IZUMO3: variants seen among roughly 807,000 people sequenced by gnomAD.
The protein encoded by IZUMO3 is izumo sperm-egg fusion protein 3.
IZUMO3 carries 36 observed loss-of-function variants against 28.4 expected under a neutral mutation model. The ratio of observed to expected loss-of-function variants is 1.27; its 90% CI spans 0.97 to 1.67. IZUMO3 has a LOEUF of 1.67. Among genes scored for constraint, IZUMO3 ranks in the 40% most tolerant of loss-of-function variants. The pLI is 0.00. For missense variants in IZUMO3, 387 were observed against 278.5 expected, an observed-to-expected ratio of 1.39 and a Z score of -2.77; for synonymous variants, 126 against 99.2, an observed-to-expected ratio of 1.27 and a Z score of -1.61.
chr9:24,545,862 G>C lies in IZUMO3; in HGVS notation c.-213C>G, dbSNP rs1387259633. 8 of 1,522,140 alleles carry C rather than the reference G, an allele frequency of 5.3e-6. No individual in the cohort carries two copies. In the Admixed American group the frequency reaches 1.2e-4, roughly 23 times the overall value. 94.3% of individuals were successfully genotyped at this position (1,522,140 alleles called of 1,614,324 possible). ...GACTATTATCCTTCATTCTAGGAGA[G>C]GGAACTGCCAGCTGGGGAGCGGATA... On this transcript the variant is annotated 5_prime_UTR_variant, in exon 1 of 7. Transcript: ENST00000543880.
chr9:24,545,274 A>G lies in IZUMO3; in HGVS notation c.239T>C (p.Val80Ala). The G allele has an allele frequency of 2.6e-6, 4 of 1,550,302 alleles. No homozygotes were observed. Among genetic ancestry groups the G allele is most frequent in the Non-Finnish European group, 3.5e-6 (4 of 1,146,790 alleles). Reference sequence around the variant, plus strand: ...CTTCAACCATGTTCTCAACTTAACAACCTGCTGAACAGCTAGAGAGGGAGA... The same window carrying G: ...CTTCAACCATGTTCTCAACTTAACAGCCTGCTGAACAGCTAGAGAGGGAGA... ...KRLRVLAVQQ[V>A]VKLRTWLKNE... Residue 80 changes from valine to alanine, a missense_variant, in exon 2 of 7, where the codon GTT becomes GCT. Coordinates refer to ENST00000543880, the MANE Select transcript of IZUMO3 (RefSeq NM_001365008.2).
In IZUMO3 at chr9:24,545,786, A is replaced by G; in HGVS notation, c.-137T>C. 1.3e-6 allele frequency: 2 copies of G among 1,538,198 alleles called. No homozygotes were observed. The highest frequency in any genetic ancestry group is 1.8e-6 in the Non-Finnish European group (2 of 1,141,920). On this transcript the variant is annotated 5_prime_UTR_variant, in exon 1 of 7. Coordinates refer to ENST00000543880, the MANE Select transcript of IZUMO3 (RefSeq NM_001365008.2). ...CCACTTTTCCCGCTGTTTCCATCCC[A>G]CTATCGGGCAATCTTTAGTTGTTTA...
intron 1 of IZUMO3, 21 bp downstream of exon 1, chr9:24,545,403 A>C (rs1013139745): frequency 6.5e-7 from 1 of 1,543,658 alleles, no homozygotes; most frequent in Admixed American, 2.0e-5. Flanking sequence ...CTGGACTCTC[A>C]GGAACTCAAG....
intron 5 of IZUMO3, 48 bp downstream of exon 5, chr9:24,544,153 C>G (rs1237857971): frequency 1.6e-6 from 2 of 1,282,724 alleles, no homozygotes; most frequent in Admixed American, 3.9e-5. Context: ...AGCAACCCTG[C>G]TCCTTAATCC....
In IZUMO3 at chr9:24,545,796, AATCTTTAGTTGTTTAGTTTAATG is replaced by A; in HGVS notation, c.-170_-148del. The A allele has an allele frequency of 2.6e-6, 4 of 1,541,160 alleles. No homozygotes were observed. Among genetic ancestry groups the A allele is most frequent in the Non-Finnish European group, 3.5e-6 (4 of 1,143,160 alleles). ...CGCTGTTTCCATCCCACTATCGGGC[AATCTTTAGTTGTTTAGTTTAATG>A]ATCTTTAGTTGTTTACTGACTATTA... On this transcript the variant is annotated 5_prime_UTR_variant, in exon 1 of 7. Coordinates refer to ENST00000543880, the MANE Select transcript of IZUMO3 (RefSeq NM_001365008.2).
Position 24,545,811 on chromosome 9 carries a change from A to G in IZUMO3, c.-162T>C, listed in dbSNP as rs2117962117. On this transcript the variant is annotated 5_prime_UTR_variant, in exon 1 of 7. Coordinates refer to ENST00000543880, the MANE Select transcript of IZUMO3 (RefSeq NM_001365008.2). ...ACTATCGGGCAATCTTTAGTTGTTT[A>G]GTTTAATGATCTTTAGTTGTTTACT... is the stretch of plus-strand genomic sequence containing the variant. 6.5e-7 allele frequency: 1 copy of G among 1,543,850 alleles called. No homozygotes were observed. The highest frequency in any genetic ancestry group is 2.0e-5 in the Admixed American group (1 of 50,440).
Position 24,545,024 on chromosome 9 carries a change from G to T in IZUMO3, c.339C>A (p.Cys113Ter), listed in dbSNP as rs1488544313. 2 of 1,550,684 alleles carry T rather than the reference G, an allele frequency of 1.3e-6. No homozygotes were observed. Among genetic ancestry groups the T allele is most frequent in the East Asian group, 4.9e-5 (2 of 40,888 alleles). The change falls in exon 3 of 7, where the codon TGC becomes TGA. Residue 113 changes from cysteine (C) to a stop codon, truncating the protein, a stop_gained. Transcript: ENST00000543880. LOFTEE classifies it high-confidence loss of function. Reference sequence around the variant, plus strand: ...CTTTCAGTTTGGATTCCAGGTTTTGGCAGACATCGAGAAGCTTGCCTTGAT... The same window carrying T: ...CTTTCAGTTTGGATTCCAGGTTTTGTCAGACATCGAGAAGCTTGCCTTGAT... ...FIYQGKLLDV[C>*]QNLESKLKEL...
At chr9:24,543,862 C>A in intron 5 of IZUMO3, 108 bp from the exon 6 acceptor site, 2 of 728,828 alleles carry the variant, frequency 2.7e-6, no homozygotes, top group Middle Eastern at 2.9e-4. Flanking sequence ...GCCCTGTTTA[C>A]TACTTCATCA....
At chr9:24,544,436 T>C (rs1425969216) in intron 4 of IZUMO3, among the ~76,000 whole-genome samples, 155 bp from the exon 5 acceptor site, 2 of 152,138 alleles carry the variant, frequency 1.3e-5, no homozygotes, top group Non-Finnish European at 2.9e-5. Context: ...ATCAAGTTTC[T>C]TGATGGATCA....
Position 24,545,093 on chromosome 9 carries a change from A to G in IZUMO3, c.302-32T>C, listed in dbSNP as rs371890642. The G allele has an allele frequency of 7.4e-6, 11 of 1,489,018 alleles. No individual in the cohort carries two copies. In the East Asian group the frequency reaches 7.4e-5, roughly 10 times the overall value. 92.2% of individuals were successfully genotyped at this position (1,489,018 alleles called of 1,614,324 possible). On this transcript the variant is annotated intron_variant, in intron 2 of 6. Coordinates refer to ENST00000543880, the MANE Select transcript of IZUMO3 (RefSeq NM_001365008.2). ...GGGAGTGGAAGGGGTGTCAAAAAAT[A>G]GAAGTAGCTCTTCCCTTCAGAAGTT...
At chr9:24,544,813 A>G (rs1364288113) in intron 3 of IZUMO3, 53 bp from the exon 4 acceptor site, 8 of 1,517,212 alleles carry the variant, frequency 5.3e-6, no homozygotes, top group African/African-American at 4.1e-5. Context: ...ACAGTTTGCC[A>G]TATTTATACC....
rs1563908948 is a variant in IZUMO3 at position 24,545,050 on chromosome 9, A to T, written c.313T>A (p.Tyr105Asn). ...CAGACATCGAGAAGCTTGCCTTGAT[A>T]GATAAAGACACCTAAGAGGGAGTGG... ...GNETWKGVFIYQGKLLDVCQN... is the reference protein window; with the variant it reads ...GNETWKGVFINQGKLLDVCQN... The change falls in exon 3 of 7, where the codon TAT becomes AAT. Residue 105 changes from tyrosine to asparagine, a missense_variant. Physicochemically the swap from Tyr to Asn is moderately radical, Grantham distance 143 (BLOSUM62 -2). Coordinates refer to ENST00000543880, the MANE Select transcript of IZUMO3 (RefSeq NM_001365008.2). 8 of 1,549,390 alleles carry T rather than the reference A, an allele frequency of 5.2e-6. No homozygotes were observed. The highest frequency in any genetic ancestry group is 7.0e-6 in the Non-Finnish European group (8 of 1,145,634).
chr9:24,544,786 T>C (rs935729265), intron 3 of IZUMO3, 26 bp from the exon 4 acceptor site: 3 of 1,549,152 alleles, frequency 1.9e-6, no homozygotes, highest in African/African-American at 2.7e-5. Flanking sequence ...AAAGTTCTAA[T>C]GAGTTTAAAA....
At chr9:24,543,444 T>G (rs887206719) in intron 6 of IZUMO3, 77 bp from the exon 7 acceptor site, 20 of 697,938 alleles carry the variant, frequency 2.9e-5, no homozygotes, top group East Asian at 2.1e-4. Flanking sequence ...CATTGTTTTT[T>G]TTTTTTTTTT....
In IZUMO3 at chr9:24,543,710, G is replaced by C. The variant is rs953886991; in HGVS notation, c.535C>G (p.Leu179Val). Residue 179 changes from leucine to valine, a missense_variant, in exon 6 of 7, where the codon CTC (leucine) becomes GTC (valine). Leu to Val is a conservative substitution (Grantham distance 32, BLOSUM62 1). Coordinates refer to ENST00000543880, the MANE Select transcript of IZUMO3 (RefSeq NM_001365008.2). The part of the protein sequence containing the change: ...KAENREIALF[L>V]ILLATAVILG... ...ATTACAGCTGTTGCCAGCAATATGA[G>C]AAATAGAGCAATCTCTCGATTCTCA... The C allele has an allele frequency of 3.2e-5, 49 of 1,549,616 alleles. No individual in the cohort carries two copies. Among genetic ancestry groups the C allele is most frequent in the Non-Finnish European group, 4.2e-5 (48 of 1,146,424 alleles).
chr9:24,544,816 T>G (rs1171528098), intron 3 of IZUMO3, 56 bp from the exon 4 acceptor site: 3 of 1,507,270 alleles, frequency 2.0e-6, no homozygotes, highest in Admixed American at 2.0e-5. Context: ...GTTTGCCATA[T>G]TTATACCCAA....
chr9:24,545,141 G>A, intron 2 of IZUMO3, 71 bp downstream of exon 2: 1 of 1,501,470 alleles, frequency 6.7e-7, no homozygotes. Context: ...TTTTATCTTT[G>A]TTTTCCCCAG....
Position 24,544,971 on chromosome 9 carries a change from C to G in IZUMO3, c.391+1G>C, listed in dbSNP as rs367775753. ...GCTGTTATATAGAAAGTTTTACTTA[C>G]CAATTTCAGAGAAGTTCTTTAGTAA... On this transcript the variant is annotated splice_donor_variant, in intron 3 of 6. Transcript: ENST00000543880. LOFTEE classifies it high-confidence loss of function. 1.2e-4 allele frequency: 187 copies of G among 1,544,904 alleles called. 1 individual carries two copies. In the South Asian group the frequency reaches 2.1e-3, roughly 17 times the overall value.
rs1413505916 is a variant in IZUMO3, at chr9:24,544,256, A to G, written c.435T>C (p.Asp145=). 7 of 1,550,176 alleles carry G rather than the reference A, an allele frequency of 4.5e-6. No homozygotes were observed. Among genetic ancestry groups the G allele is most frequent in the Non-Finnish European group, 6.1e-6 (7 of 1,146,636 alleles). The part of the protein sequence containing the change: ...DCIVVEGPIL[D]CWTCLRMTNR... The stretch of plus-strand genomic sequence containing the variant: ...TAGTCATGCGAAGACACGTCCAACA[A>G]TCAAGAATGGGACCTTCAACCACAA... The change falls in exon 5 of 7, where the codon GAT becomes GAC. Residue 145 remains aspartate (D), a synonymous_variant. Transcript: ENST00000543880.
Sources: gnomAD v4.1 joint callset for allele counts (sites outside exome capture counted in the v4.1 genomes callset) on GRCh38, gnomAD v4.1.1 for gene constraint, MANE v1.5 for transcripts, NCBI Gene and HGNC (gene_info 2026-07-23, HGNC 2026-07-21) for gene names.